Variants in ATXN7L1 observed in about 807,000 individuals in gnomAD.
The protein encoded by ATXN7L1 is ataxin 7 like 1, also known as ataxin-7-like protein 1.
Under a neutral mutation model 70.8 loss-of-function variants are expected in ATXN7L1, and 15 were observed. The ratio of observed to expected loss-of-function variants is 0.21; its 90% CI spans 0.14 to 0.33. ATXN7L1 has a LOEUF of 0.33. Among genes scored for constraint, ATXN7L1 ranks in the 10% least tolerant of loss-of-function variants. The probability of loss-of-function intolerance (pLI) is 1.00; values close to 1 mark genes in which losing one functional copy is unlikely to be tolerated. For missense variants in ATXN7L1, 975 were observed against 1,097.1 expected, an observed-to-expected ratio of 0.89 and a Z score of 1.57; for synonymous variants, 440 against 445.1, an observed-to-expected ratio of 0.99 and a Z score of 0.14.
At chr7:105,732,890 G>C (rs952343202) in intron 3 of ATXN7L1, among the ~76,000 whole-genome samples, 1 of 152,108 alleles carries the variant, frequency 6.6e-6, no homozygotes, top group Admixed American at 6.5e-5. Context: ...TGTTTCTTCT[G>C]ACTGGAATGT....
chr7:105,690,939 A>G (rs1790720296), intron 3 of ATXN7L1, among the ~76,000 whole-genome samples: 1 of 152,250 alleles, frequency 6.6e-6, no homozygotes, highest in Admixed American at 6.5e-5. Context: ...CCACCAGGCC[A>G]GAAAATCACA....
chr7:105,687,341 C>T (rs1790064044), intron 3 of ATXN7L1, among the ~76,000 whole-genome samples: 2 of 152,136 alleles, frequency 1.3e-5, no homozygotes, highest in Non-Finnish European at 2.9e-5. Context: ...GTCTTAATCC[C>T]TAGTACCCGA....
intron 3 of ATXN7L1, among the ~76,000 whole-genome samples, chr7:105,718,059 TGGAAGG>T (rs1794769714): frequency 6.6e-6 from 1 of 152,166 alleles, no homozygotes; most frequent in South Asian, 2.1e-4. Flanking sequence ...GCAGAGGAAA[TGGAAGG>T]GGCAGTGAAG....
intron 4 of ATXN7L1, among the ~76,000 whole-genome samples, chr7:105,657,180 G>A (rs773228304): frequency 2.0e-5 from 3 of 152,162 alleles, no homozygotes; most frequent in African/African-American, 4.8e-5. Flanking sequence ...TCTCTGCACC[G>A]CCTGATGCAG....
chr7:105,685,567 A>G (rs1471318985), intron 3 of ATXN7L1, among the ~76,000 whole-genome samples: 1 of 152,162 alleles, frequency 6.6e-6, no homozygotes, highest in Non-Finnish European at 1.5e-5. Context: ...TATAAAGAAA[A>G]AGGAGTGGGT....
intron 3 of ATXN7L1, among the ~76,000 whole-genome samples, chr7:105,671,772 C>A (rs963534743): frequency 6.6e-6 from 1 of 150,948 alleles, no homozygotes; most frequent in African/African-American, 2.4e-5. Context: ...TGCCTTTAGT[C>A]CCAGCTACTT....
intron 3 of ATXN7L1, among the ~76,000 whole-genome samples, chr7:105,691,135 T>A (rs563692177): frequency 6.6e-6 from 1 of 152,324 alleles, no homozygotes; most frequent in Non-Finnish European, 1.5e-5. Flanking sequence ...TTGGGCATGT[T>A]TTGGGTCACC....
chr7:105,649,638 C>A, intron 4 of ATXN7L1: 1 of 922,996 alleles, frequency 1.1e-6, no homozygotes, highest in Non-Finnish European at 1.3e-6. Flanking sequence ...CAGCTGCCCA[C>A]CTGCCAGCTA....
chr7:105,729,831 G>A (rs74359447), intron 3 of ATXN7L1, among the ~76,000 whole-genome samples: 7,697 of 151,544 alleles, frequency 0.051, 191 homozygotes, highest in East Asian at 0.074. Flanking sequence ...TCTGCCTCCC[G>A]GGTTCACGCC....
intron 3 of ATXN7L1, among the ~76,000 whole-genome samples, chr7:105,707,898 G>A (rs1268136629): frequency 6.6e-6 from 1 of 152,194 alleles, no homozygotes; most frequent in African/African-American, 2.4e-5. Flanking sequence ...TTGCAGTGAA[G>A]CTACTTATTC....
chr7:105,747,843 G>A (rs951613372), intron 3 of ATXN7L1, among the ~76,000 whole-genome samples: 2 of 151,506 alleles, frequency 1.3e-5, no homozygotes, highest in African/African-American at 2.4e-5. Context: ...TCTGTTGGCC[G>A]GGTGTGGTGG....
intron 2 of ATXN7L1, among the ~76,000 whole-genome samples, chr7:105,825,403 T>C (rs1360411460): frequency 6.6e-6 from 1 of 151,874 alleles, no homozygotes; most frequent in African/African-American, 2.4e-5. Context: ...TACAGGGGAA[T>C]TGATGGGTTT....
At chr7:105,717,750 A>T (rs1794737572) in intron 3 of ATXN7L1, among the ~76,000 whole-genome samples, 1 of 152,188 alleles carries the variant, frequency 6.6e-6, no homozygotes, top group African/African-American at 2.4e-5. Flanking sequence ...TGTCATTTTC[A>T]TAAGTGAAAA....
rs552742128 is a variant in ATXN7L1 at position 105,610,612 on chromosome 7, C to G, written c.2473-9G>C. ...CTGCTATTTTTCCCAACCTGAAAGA[C>G]ACCATTGAAGCCCCACTCAGACACA... On this transcript the variant is annotated splice_polypyrimidine_tract_variant and intron_variant, in intron 10 of 11. Coordinates refer to ENST00000419735, the MANE Select transcript of ATXN7L1 (RefSeq NM_020725.2). The G allele has an allele frequency of 1.0e-5, 16 of 1,551,032 alleles. No individual in the cohort carries two copies. In the Admixed American group the frequency reaches 2.7e-4, roughly 27 times the overall value.
intron 3 of ATXN7L1, among the ~76,000 whole-genome samples, chr7:105,730,227 A>G (rs1796378855): frequency 6.6e-6 from 1 of 152,240 alleles, no homozygotes. Context: ...CCATGCTGAG[A>G]GTACATTACC....
chr7:105,766,482 C>G (rs929713758), intron 3 of ATXN7L1, among the ~76,000 whole-genome samples: 16 of 152,132 alleles, frequency 1.1e-4, no homozygotes, highest in Non-Finnish European at 2.2e-4. Context: ...AGATGTTGAG[C>G]TCACAAACGT....
At chr7:105,787,571 G>C (rs1483242119) in intron 3 of ATXN7L1, among the ~76,000 whole-genome samples, 1 of 152,130 alleles carries the variant, frequency 6.6e-6, no homozygotes, top group Non-Finnish European at 1.5e-5. Flanking sequence ...TGTATATAGA[G>C]AGACTGTTAA....
intron 2 of ATXN7L1, among the ~76,000 whole-genome samples, chr7:105,855,691 G>A (rs1332331521): frequency 6.6e-6 from 1 of 152,168 alleles, no homozygotes; most frequent in Non-Finnish European, 1.5e-5. Flanking sequence ...CACATCTGCA[G>A]TTTCAACTTA....
intron 3 of ATXN7L1, among the ~76,000 whole-genome samples, chr7:105,734,747 A>G (rs569431775): frequency 3.3e-5 from 5 of 152,124 alleles, no homozygotes; most frequent in East Asian, 3.9e-4. Context: ...TGACCAGACC[A>G]GGCCCTATTC....
Sources: allele counts gnomAD v4.1 joint callset (sites outside exome capture counted in the v4.1 genomes callset), GRCh38; gene constraint gnomAD v4.1.1; transcripts MANE v1.5; gene names NCBI Gene and HGNC (gene_info 2026-07-23, HGNC 2026-07-21).